Variants in MED12L observed in about 807,000 individuals in gnomAD.
The protein encoded by MED12L is mediator complex subunit 12L.
In MED12L, 60 loss-of-function variants were observed where a neutral mutation model predicts 281.3. That is an observed-to-expected ratio of 0.21 (90% CI 0.17 to 0.26). MED12L has a LOEUF of 0.26. MED12L is among the 10% of genes least tolerant of loss of function. The probability of loss-of-function intolerance (pLI) is 1.00; values close to 1 mark genes in which losing one functional copy is unlikely to be tolerated. For missense variants in MED12L, 2,146 were observed against 2,680.9 expected, an observed-to-expected ratio of 0.80 and a Z score of 4.41; for synonymous variants, 974 against 987.2, an observed-to-expected ratio of 0.99 and a Z score of 0.25.
chr3:151,372,678 A>C lies in MED12L; in HGVS notation c.3776A>C (p.Asn1259Thr). The part of the protein sequence containing the change: ...NADDIWTASQ[N>T]PKSCGKSISI... The stretch of plus-strand genomic sequence containing the variant: ...GATGATATCTGGACTGCCTCACAAA[A>C]TCCAAAATCCTGTGGGAAAAGCATT... The change falls in exon 27 of 45, where the codon AAT becomes ACT. Residue 1259 changes from asparagine to threonine, a missense_variant. This residue lies in a region of MED12L where 235 missense variants were observed against 260.3 expected (regional missense o/e 0.90). Coordinates refer to ENST00000687756, the MANE Select transcript of MED12L (RefSeq NM_001393769.1). 6.2e-7 allele frequency: 1 copy of C among 1,613,988 alleles called. No individual in the cohort carries two copies. The highest frequency in any genetic ancestry group is 8.5e-7 in the Non-Finnish European group (1 of 1,179,878).
chr3:151,109,221 A>T (rs1026446950), intron 2 of MED12L, among the ~76,000 whole-genome samples: 1 of 151,890 alleles, frequency 6.6e-6, no homozygotes, highest in African/African-American at 2.4e-5. Flanking sequence ...ACGCCCGGCA[A>T]TTTTTTTGTA....
chr3:151,337,523 C>G (rs1751174117), intron 16 of MED12L: 2 of 317,410 alleles, frequency 6.3e-6, no homozygotes, highest in Admixed American at 9.3e-5. Context: ...TATGATTACT[C>G]ATTTTGGCAA....
intron 16 of MED12L, among the ~76,000 whole-genome samples, chr3:151,195,302 C>G (rs1209291913): frequency 6.6e-6 from 1 of 152,092 alleles, no homozygotes; most frequent in East Asian, 1.9e-4. Flanking sequence ...CCTGAAATGA[C>G]TTTCAAAATT....
intron 11 of MED12L, among the ~76,000 whole-genome samples, chr3:151,168,373 T>A (rs1241972790): frequency 1.3e-5 from 2 of 152,202 alleles, no homozygotes; most frequent in Non-Finnish European, 2.9e-5. Flanking sequence ...AAAAACTCTT[T>A]GAGCTGAGAG....
intron 13 of MED12L, among the ~76,000 whole-genome samples, chr3:151,190,337 A>G (rs1431671177): frequency 6.6e-6 from 1 of 151,920 alleles, no homozygotes; most frequent in African/African-American, 2.4e-5. Flanking sequence ...ATGCCCAGCT[A>G]ATTTTTGTAT....
rs1049003229 is a variant in MED12L, at chr3:151,295,129, T to A, written c.2251-54930T>A. Reference sequence around the variant, plus strand: ...GCACCGGCAAGACAATTGTGTCAAATTCATTGTGAAGGGTGGTGTTCTTTC... The same window carrying A: ...GCACCGGCAAGACAATTGTGTCAAAATCATTGTGAAGGGTGGTGTTCTTTC... On this transcript the variant is annotated intron_variant, in intron 16 of 44. Coordinates refer to ENST00000687756, the MANE Select transcript of MED12L (RefSeq NM_001393769.1). The A allele has an allele frequency of 4.3e-6, 7 of 1,613,568 alleles. No homozygotes were observed. In the African/African-American group the frequency reaches 9.3e-5, roughly 22 times the overall value.
chr3:151,169,091 GTTTTCTTTTTCTTTGT>G (rs1721072242), intron 11 of MED12L, among the ~76,000 whole-genome samples: 1 of 135,016 alleles, frequency 7.4e-6, no homozygotes, highest in Admixed American at 7.3e-5. Context: ...AGGGGTTACT[GTTTTCTTTTTCTTTGT>G]TTTTTTTTTT....
intron 16 of MED12L, chr3:151,294,305 TAAA>T: frequency 6.2e-7 from 1 of 1,614,122 alleles, no homozygotes; most frequent in Non-Finnish European, 8.5e-7. Context: ...CATGAAAAAG[TAAA>T]TTATTGGATC....
At chr3:151,092,196 TTCC>T (rs1357094456) in intron 2 of MED12L, among the ~76,000 whole-genome samples, 4 of 152,188 alleles carry the variant, frequency 2.6e-5, no homozygotes, top group Non-Finnish European at 5.9e-5. Flanking sequence ...GCAGTTTTGT[TTCC>T]TGTCATTTGG....
At chr3:151,411,243 G>C in intron 40 of MED12L, 35 bp from the exon 41 acceptor site, 2 of 1,587,198 alleles carry the variant, frequency 1.3e-6, no homozygotes, top group Non-Finnish European at 1.7e-6. Context: ...GTGATAAGTT[G>C]AAACATTGAC....
intron 39 of MED12L, among the ~76,000 whole-genome samples, chr3:151,397,032 T>C (rs1195103883): frequency 2.0e-5 from 3 of 152,244 alleles, no homozygotes; most frequent in African/African-American, 7.2e-5. Flanking sequence ...CCACCGACAG[T>C]TGTACTGCTT....
chr3:151,112,356 C>T (rs894731998), intron 2 of MED12L, among the ~76,000 whole-genome samples: 7 of 150,596 alleles, frequency 4.6e-5, no homozygotes, highest in Admixed American at 2.0e-4. Context: ...TCTCTCCTCT[C>T]TGCAACCTCC....
intron 16 of MED12L, among the ~76,000 whole-genome samples, chr3:151,325,403 T>C (rs1353839904): frequency 6.6e-6 from 1 of 152,222 alleles, no homozygotes; most frequent in Non-Finnish European, 1.5e-5. Context: ...ACATATTCTA[T>C]CAGTCCAAAG....
intron 22 of MED12L, 150 bp from the exon 23 acceptor site, chr3:151,365,700 C>A (rs1419310690): frequency 2.9e-6 from 2 of 680,318 alleles, no homozygotes; most frequent in South Asian, 2.9e-5. Flanking sequence ...CAAGGTTCTA[C>A]TAAGTTATTT....
At chr3:151,192,677 A>G in intron 15 of MED12L, 23 bp downstream of exon 15, 2 of 1,408,186 alleles carry the variant, frequency 1.4e-6, no homozygotes, top group African/African-American at 1.4e-5. Context: ...TTTGATTCTT[A>G]TTGACAATTA....
chr3:151,175,970 G>A (rs1221265709), intron 11 of MED12L, among the ~76,000 whole-genome samples: 1 of 152,086 alleles, frequency 6.6e-6, no homozygotes, highest in East Asian at 1.9e-4. Flanking sequence ...TTTGAATTTT[G>A]TGTCCATTCA....
At chr3:151,409,914 G>A (rs148083886) in intron 40 of MED12L, among the ~76,000 whole-genome samples, 2 of 152,296 alleles carry the variant, frequency 1.3e-5, no homozygotes, top group African/African-American at 4.8e-5. Context: ...GCAGTGAGCT[G>A]TGATCTGTTG....
intron 16 of MED12L, among the ~76,000 whole-genome samples, chr3:151,274,292 C>T (rs1231621240): frequency 1.3e-5 from 2 of 152,172 alleles, no homozygotes; most frequent in Non-Finnish European, 2.9e-5. Context: ...CTCAGTGGTA[C>T]CAGTTATAAG....
chr3:151,091,535 C>T (rs984333308), intron 2 of MED12L, among the ~76,000 whole-genome samples: 9 of 152,172 alleles, frequency 5.9e-5, no homozygotes, highest in African/African-American at 1.2e-4. Flanking sequence ...CTGCTTGATA[C>T]GAGCAGGGCT....
Sources: allele counts gnomAD v4.1 joint callset (sites outside exome capture counted in the v4.1 genomes callset), GRCh38; gene constraint gnomAD v4.1.1; regional missense constraint gnomAD v4.1.1; transcripts MANE v1.5; gene names NCBI Gene and HGNC (gene_info 2026-07-23, HGNC 2026-07-21).